The following CLNK variants were observed in gnomAD, a reference collection of about 807,000 sequenced individuals.
The protein encoded by CLNK is cytokine-dependent hematopoietic cell linker.
CLNK carries 74 observed loss-of-function variants against 68.6 expected under a neutral mutation model. The ratio of observed to expected loss-of-function variants is 1.08; its 90% CI spans 0.89 to 1.31. The LOEUF is 1.31. Among genes scored for constraint, CLNK ranks in the 50% most tolerant of loss-of-function variants. The pLI, the probability that CLNK is intolerant of heterozygous loss-of-function variation, is 0.00. For missense variants in CLNK, 553 were observed against 515.3 expected, an observed-to-expected ratio of 1.07 and a Z score of -0.71; for synonymous variants, 198 against 172.2, an observed-to-expected ratio of 1.15 and a Z score of -1.17.
rs549456443 is a variant in CLNK, at chr4:10,561,625, T to C, written c.399+3046A>G. On this transcript the variant is annotated intron_variant, in intron 7 of 18. Coordinates refer to ENST00000226951, the MANE Select transcript of CLNK (RefSeq NM_052964.4). ...GGACCAGAACTGTGTCTTCAGCCAC[T>C]GGTCCAATCTCTCTGGAATTCTCAT... is the stretch of plus-strand genomic sequence containing the variant. Among the ~76,000 whole-genome samples, 17 of 152,338 alleles carry C rather than the reference T, an allele frequency of 1.1e-4. No homozygotes were observed. In the South Asian group the frequency reaches 3.5e-3, roughly 32 times the overall value.
intron 15 of CLNK, among the ~76,000 whole-genome samples, chr4:10,518,569 T>C (rs1717933801): frequency 6.6e-6 from 1 of 152,226 alleles, no homozygotes; most frequent in South Asian, 2.1e-4. Context: ...TTGTTACTAC[T>C]TTGGAATATA....
chr4:10,538,499 A>G (rs1316024111), intron 11 of CLNK, among the ~76,000 whole-genome samples: 2 of 152,154 alleles, frequency 1.3e-5, no homozygotes, highest in African/African-American at 4.8e-5. Context: ...TACGTATTAG[A>G]CTATTTGGCC....
chr4:10,705,817 T>C, the CLNK span, among the ~76,000 whole-genome samples: 1 of 152,354 alleles, frequency 6.6e-6, no homozygotes, highest in East Asian at 1.9e-4. Flanking sequence ...CTTTGGGGAC[T>C]GCTATTCTGC....
At chr4:10,733,582 T>C in the CLNK span, among the ~76,000 whole-genome samples, 1 of 152,224 alleles carries the variant, frequency 6.6e-6, no homozygotes, top group Non-Finnish European at 1.5e-5. Flanking sequence ...GCACATTGCT[T>C]TCTATGATTA....
At chr4:10,550,494 C>CA (rs1012635428) in intron 8 of CLNK, among the ~76,000 whole-genome samples, 13 of 151,480 alleles carry the variant, frequency 8.6e-5, no homozygotes, top group East Asian at 1.9e-4. Flanking sequence ...GACTCTGTCT[C>CA]AAAAAAAATA....
At chr4:10,674,453 C>T (rs997765076) in intron 1 of CLNK, among the ~76,000 whole-genome samples, 1 of 152,198 alleles carries the variant, frequency 6.6e-6, no homozygotes, top group Non-Finnish European at 1.5e-5. Flanking sequence ...CCAGAATATG[C>T]TCATAATGAA....
At chr4:10,550,190 A>G (rs564857944) in intron 8 of CLNK, among the ~76,000 whole-genome samples, 21 of 152,306 alleles carry the variant, frequency 1.4e-4, no homozygotes, top group African/African-American at 4.6e-4. Flanking sequence ...ACATACAGCC[A>G]TTATTAAAAA....
intron 8 of CLNK, among the ~76,000 whole-genome samples, chr4:10,557,768 C>T (rs1403895175): frequency 6.6e-6 from 1 of 152,166 alleles, no homozygotes. Context: ...TAGCATTAGA[C>T]ACATGAAAGG....
chr4:10,664,037 G>C (rs1045368496), intron 2 of CLNK, among the ~76,000 whole-genome samples: 2 of 152,164 alleles, frequency 1.3e-5, no homozygotes, highest in African/African-American at 4.8e-5. Context: ...TGTTGTTCCT[G>C]AGTTACCCAG....
chr4:10,631,523 C>G (rs115669934), intron 2 of CLNK, among the ~76,000 whole-genome samples: 187 of 149,974 alleles, frequency 1.2e-3, no homozygotes, highest in African/African-American at 4.4e-3. Flanking sequence ...GATGAGGACC[C>G]TTGGTGGATA....
At chr4:10,716,079 A>G in the CLNK span, among the ~76,000 whole-genome samples, 66 of 152,230 alleles carry the variant, frequency 4.3e-4, no homozygotes, top group Admixed American at 1.3e-4. Flanking sequence ...GGGATTTCTA[A>G]GTGAATGCCA....
chr4:10,728,182 G>A, the CLNK span, among the ~76,000 whole-genome samples: 2 of 152,152 alleles, frequency 1.3e-5, no homozygotes, highest in African/African-American at 4.8e-5. Context: ...GCACAACAAA[G>A]AATTATCCAG....
intron 2 of CLNK, among the ~76,000 whole-genome samples, chr4:10,639,205 G>T (rs28595047): frequency 0.014 from 2,116 of 152,292 alleles, 64 homozygotes; most frequent in African/African-American, 0.048. Context: ...TTCTTGCACT[G>T]CTGAGTAAGG....
the CLNK span, among the ~76,000 whole-genome samples, chr4:10,699,343 T>TACAC: frequency 0.39 from 10,885 of 28,046 alleles, 3,530 homozygotes; most frequent in Admixed American, 0.52. Flanking sequence ...CGTGTGTGTA[T>TACAC]ACACACACAC....
chr4:10,555,982 G>A (rs1454603352), intron 8 of CLNK, among the ~76,000 whole-genome samples: 1 of 152,156 alleles, frequency 6.6e-6, no homozygotes, highest in East Asian at 1.9e-4. Context: ...ACTCTTATTG[G>A]AGAAGTCTTC....
the CLNK span, among the ~76,000 whole-genome samples, chr4:10,728,600 CTTTCTT>C: frequency 1.3e-4 from 16 of 125,556 alleles, no homozygotes; most frequent in East Asian, 7.3e-4. Context: ...TTCTTTCTTT[CTTTCTT>C]TTTTTTTTTT....
At chr4:10,655,896 G>A (rs918298676) in intron 2 of CLNK, among the ~76,000 whole-genome samples, 6 of 151,960 alleles carry the variant, frequency 3.9e-5, no homozygotes, top group Non-Finnish European at 7.4e-5. Context: ...TGATCTGCCC[G>A]CTTTGGCCTC....
At chr4:10,523,750 C>A (rs1718182083) in intron 14 of CLNK, among the ~76,000 whole-genome samples, 1 of 152,134 alleles carries the variant, frequency 6.6e-6, no homozygotes, top group Non-Finnish European at 1.5e-5. Flanking sequence ...GGGGGCCAGG[C>A]ATGGTGGCTC....
chr4:10,506,964 C>T (rs61797524), intron 17 of CLNK, among the ~76,000 whole-genome samples: 14 of 150,732 alleles, frequency 9.3e-5, no homozygotes, highest in African/African-American at 3.4e-4. Context: ...CATGCCCGGC[C>T]AATTTTTTTT....
Sources: allele counts gnomAD v4.1 joint callset (sites outside exome capture counted in the v4.1 genomes callset), GRCh38; gene constraint gnomAD v4.1.1; transcripts MANE v1.5; gene names NCBI Gene and HGNC (gene_info 2026-07-23, HGNC 2026-07-21).